The following PRSS12 variants were observed in gnomAD, a reference collection of about 807,000 sequenced individuals.
PRSS12 encodes the protein neurotrypsin.
Under a neutral mutation model 104.4 loss-of-function variants are expected in PRSS12, and 85 were observed. The observed-to-expected ratio is 0.81, with a 90% CI of 0.68 to 0.98. The LOEUF is 0.98. Among genes scored for constraint, PRSS12 ranks in the 50% least tolerant of loss-of-function variants. The pLI, the probability that PRSS12 is intolerant of heterozygous loss-of-function variation, is 0.00. For synonymous variants in PRSS12, 454 were observed against 425.2 expected, an observed-to-expected ratio of 1.07 and a Z score of -0.83; for missense variants, 1,141 against 1,139.2, an observed-to-expected ratio of 1.00 and a Z score of -0.02.
intron 8 of PRSS12, among the ~76,000 whole-genome samples, chr4:118,305,283 TTA>T (rs1050107424): frequency 2.0e-5 from 3 of 151,918 alleles, no homozygotes; most frequent in Non-Finnish European, 4.4e-5. Context: ...AAATTGCAGA[TTA>T]TGTTATCCAA....
intron 2 of PRSS12, among the ~76,000 whole-genome samples, chr4:118,336,557 A>C (rs559953241): frequency 6.6e-6 from 1 of 152,218 alleles, no homozygotes; most frequent in African/African-American, 2.4e-5. Context: ...TTTATCGTGC[A>C]ATTCCTTTTT....
At chr4:118,318,171 A>G (rs892351840) in intron 5 of PRSS12, among the ~76,000 whole-genome samples, 43 of 152,212 alleles carry the variant, frequency 2.8e-4, no homozygotes, top group African/African-American at 1.0e-3. Flanking sequence ...ACAAGACTAT[A>G]TAGCCTTAAA....
rs1482400919 is a variant in PRSS12, at chr4:118,295,144, T to C, written c.1917-83A>G. ...GCACTGGTTAAAGCAATGGCTTTAA[T>C]AACTTTAATGCCTTGCAGGTGGGGG... On this transcript the variant is annotated intron_variant, in intron 10 of 12. Coordinates refer to ENST00000296498, the MANE Select transcript of PRSS12 (RefSeq NM_003619.4). 4 of 1,508,348 alleles carry C rather than the reference T, an allele frequency of 2.7e-6. No homozygotes were observed. The African/African-American group carries it at 4.1e-5, about 16-fold the overall frequency. The allele number at this position is 1,508,348 out of a possible 1,614,324, so 93.4% of individuals were successfully genotyped here. A position where few individuals can be genotyped will look rare whatever the true frequency, so the allele number is the denominator to read the frequency against.
intron 4 of PRSS12, among the ~76,000 whole-genome samples, chr4:118,322,912 C>T (rs913430637): frequency 6.6e-6 from 1 of 150,960 alleles, no homozygotes; most frequent in Non-Finnish European, 1.5e-5. Flanking sequence ...TTTATAAACG[C>T]CAGGAAAAAA....
intron 6 of PRSS12, 99 bp downstream of exon 6, chr4:118,316,083 A>C: frequency 7.4e-7 from 1 of 1,346,644 alleles, no homozygotes; most frequent in Non-Finnish European, 1.0e-6. Flanking sequence ...GAGAACAGGT[A>C]TTTTTATTAT....
chr4:118,347,444 G>C (rs2126046182), intron 1 of PRSS12, among the ~76,000 whole-genome samples: 1 of 152,228 alleles, frequency 6.6e-6, no homozygotes, highest in African/African-American at 2.4e-5. Flanking sequence ...AGCATGACAA[G>C]ACAAAAAGTC....
chr4:118,313,206 GAGAGCC>G lies in PRSS12; in HGVS notation c.1478_1483del (p.Arg493_Ser495delinsThr). 6.2e-7 allele frequency: 1 copy of G among 1,613,160 alleles called. No homozygotes were observed. The highest frequency in any genetic ancestry group is 8.5e-7 in the Non-Finnish European group (1 of 1,179,834). ...GAGCTGCAGCCAGTCCTCACCCAGA[GAGAGCC>G]TGTGTCCCTCGCCGCCAGGGTAGCA... On this transcript the variant is annotated inframe_deletion, in exon 7 of 13. Transcript: ENST00000296498.
At chr4:118,319,396 G>C (rs1320432226) in intron 4 of PRSS12, among the ~76,000 whole-genome samples, 1 of 152,026 alleles carries the variant, frequency 6.6e-6, no homozygotes, top group Non-Finnish European at 1.5e-5. Flanking sequence ...TATTTAGGTG[G>C]AAGTACCATG....
At position 118,308,522 on chromosome 4, in the gene PRSS12, A is replaced by C. The variant is rs1197361931; in HGVS notation, c.1545T>G (p.Val515=). 1 of 1,613,944 alleles carries C rather than the reference A, an allele frequency of 6.2e-7. No individual in the cohort carries two copies. Among genetic ancestry groups the C allele is most frequent in the African/African-American group, 1.3e-5 (1 of 74,918 alleles). Residue 515 remains valine (V), a synonymous_variant, in exon 8 of 13, where the codon GTT becomes GTG. Transcript: ENST00000296498. ...TTGTTCCCCACTGGCCATTGATAAA[A>C]ACCTCCACTCGTCCTTCTTTCTTAT... ...GENKKEGRVE[V]FINGQWGTIC...
chr4:118,288,834 CAA>C (rs2126026595), intron 11 of PRSS12, among the ~76,000 whole-genome samples: 1 of 152,270 alleles, frequency 6.6e-6, no homozygotes, highest in Admixed American at 6.5e-5. Context: ...CTTAATTTAA[CAA>C]AGTTTCCAAT....
chr4:118,334,159 A>G (rs1283428090), intron 3 of PRSS12, among the ~76,000 whole-genome samples: 1 of 152,186 alleles, frequency 6.6e-6, no homozygotes, highest in Admixed American at 6.5e-5. Flanking sequence ...ATCTACCACG[A>G]GAGAATCTTT....
intron 1 of PRSS12, among the ~76,000 whole-genome samples, chr4:118,348,837 G>C (rs769866281): frequency 2.6e-5 from 4 of 152,040 alleles, no homozygotes; most frequent in Non-Finnish European, 4.4e-5. Context: ...TTTTAGTAGA[G>C]ACAGGGGTTT....
At position 118,329,884 on chromosome 4, in the gene PRSS12, A is replaced by G. The variant is rs149225955; in HGVS notation, c.971+1832T>C. On this transcript the variant is annotated intron_variant, in intron 4 of 12. Coordinates refer to ENST00000296498, the MANE Select transcript of PRSS12 (RefSeq NM_003619.4). ...GAACACACGCCCATAATCATATGCT[A>G]TGCTGACTCCAACAGCAGGCACCGG... is the stretch of plus-strand genomic sequence containing the variant. 1.6e-4 allele frequency among the ~76,000 whole-genome samples: 24 copies of G among 152,316 alleles called. No homozygotes were observed. In the East Asian group the frequency reaches 4.4e-3, roughly 28 times the overall value.
At chr4:118,348,261 T>C (rs1046176284) in intron 1 of PRSS12, among the ~76,000 whole-genome samples, 2 of 152,150 alleles carry the variant, frequency 1.3e-5, no homozygotes, top group African/African-American at 2.4e-5. Context: ...TATCTTACAC[T>C]GGTCAAATAA....
chr4:118,292,932 T>G (rs548806159), intron 11 of PRSS12, among the ~76,000 whole-genome samples: 1 of 152,016 alleles, frequency 6.6e-6, no homozygotes, highest in Non-Finnish European at 1.5e-5. Context: ...GGAGAATCCT[T>G]AAACCTGGCA....
rs1404360510 is a variant in PRSS12 at position 118,295,680 on chromosome 4, T to C, written c.1916+98A>G. On this transcript the variant is annotated intron_variant, in intron 10 of 12. Coordinates refer to ENST00000296498, the MANE Select transcript of PRSS12 (RefSeq NM_003619.4). ...AATTTAGTTTAGAAAATAAAATGAGTACAAGTCCCTTATATAACAGAACAT... is the reference window on the plus strand; with the variant it reads ...AATTTAGTTTAGAAAATAAAATGAGCACAAGTCCCTTATATAACAGAACAT... 4 of 1,117,314 alleles carry C rather than the reference T, an allele frequency of 3.6e-6. No homozygotes were observed. In the East Asian group the frequency reaches 9.8e-5, roughly 27 times the overall value. 69.2% of individuals were successfully genotyped at this position (1,117,314 alleles called of 1,614,324 possible). A position where few individuals can be genotyped will look rare whatever the true frequency, so the allele number is the denominator to read the frequency against.
At chr4:118,322,549 TA>T (rs11345468) in intron 4 of PRSS12, among the ~76,000 whole-genome samples, 70,856 of 142,690 alleles carry the variant, frequency 0.5, 17,362 homozygotes, top group East Asian at 0.67. Context: ...GACTCCATCT[TA>T]AAAAAAAAAA....
intron 11 of PRSS12, among the ~76,000 whole-genome samples, chr4:118,292,131 A>G (rs893465622): frequency 1.3e-5 from 2 of 152,152 alleles, no homozygotes; most frequent in Non-Finnish European, 2.9e-5. Flanking sequence ...TTTTGCCATC[A>G]TGATCCTACC....
intron 8 of PRSS12, among the ~76,000 whole-genome samples, chr4:118,302,870 CCTT>C (rs1743436048): frequency 1.3e-5 from 2 of 151,876 alleles, no homozygotes; most frequent in African/African-American, 4.8e-5. Flanking sequence ...TGTTTATTAA[CCTT>C]CTTTAAAAAT....
Sources: gnomAD v4.1 joint callset for allele counts (sites outside exome capture counted in the v4.1 genomes callset) on GRCh38, gnomAD v4.1.1 for gene constraint, MANE v1.5 for transcripts, NCBI Gene and HGNC (gene_info 2026-07-23, HGNC 2026-07-21) for gene names.